PMM2: variants seen among roughly 807,000 people sequenced by gnomAD.
PMM2 encodes the protein phosphomannomutase 2, also known as mannose-6-phosphate isomerase.
A neutral mutation model predicts 33.2 loss-of-function variants in PMM2; 35 were observed. The ratio of observed to expected loss-of-function variants is 1.06; its 90% CI spans 0.81 to 1.40. The LOEUF (loss-of-function observed/expected upper bound fraction) is 1.40. PMM2 is among the 40% of genes most tolerant of loss of function. The pLI, the probability that PMM2 is intolerant of heterozygous loss-of-function variation, is 0.00. For missense variants in PMM2, 386 were observed against 306.0 expected, an observed-to-expected ratio of 1.26 and a Z score of -1.95; for synonymous variants, 153 against 114.7, an observed-to-expected ratio of 1.33 and a Z score of -2.13.
rs759513930 is a variant in PMM2, at chr16:8,801,910, G to T, written c.178G>T (p.Val60Leu). ...AGTGCAGGAGCAACTGGGAAATGAT[G>T]GTAAATGATGGGTTGCTAATTACAT... The part of the protein sequence containing the change: ...EKVQEQLGND[V>L]VEKYDYVFPE... Residue 60 changes from valine to leucine, a missense_variant and splice_region_variant, in exon 2 of 8, where the codon GTG becomes TTG. Val to Leu is a conservative substitution (Grantham distance 32, BLOSUM62 1). Coordinates refer to ENST00000268261, the MANE Select transcript of PMM2 (RefSeq NM_000303.3). The T allele has an allele frequency of 7.0e-6, 11 of 1,566,540 alleles. No individual in the cohort carries two copies. In the Admixed American group the frequency reaches 1.8e-4, roughly 26 times the overall value.
Position 8,806,401 on chromosome 16 carries a change from A to G in PMM2, c.341A>G (p.Lys114Arg). The change falls in exon 4 of 8, where the codon AAG (lysine) becomes AGG (arginine). Residue 114 changes from lysine (K) to arginine (R), a missense_variant. Lys to Arg is a conservative substitution (Grantham distance 26). Coordinates refer to ENST00000268261, the MANE Select transcript of PMM2 (RefSeq NM_000303.3). Reference protein sequence around the residue: ...LSYIAKIKLPKKRGTFIEFRN... With the variant: ...LSYIAKIKLPRKRGTFIEFRN... ...TACATTGCGAAAATTAAACTCCCGA[A>G]GAAGAGGTGGGTTTGCTTTTAACAA... 6.2e-7 allele frequency: 1 copy of G among 1,609,282 alleles called. No individual in the cohort carries two copies. Among genetic ancestry groups the G allele is most frequent in the Non-Finnish European group, 8.5e-7 (1 of 1,175,552 alleles).
rs138788274 is a variant in PMM2, at chr16:8,799,079, G to A, written c.66+1131G>A. 5.4e-3 allele frequency among the ~76,000 whole-genome samples: 816 copies of A among 152,152 alleles called. 16 individuals are homozygous for A. Among genetic ancestry groups the A allele is most frequent in the African/African-American group, 0.019 (778 of 41,498 alleles). ...GTCCCCAATTCATTTTTTGTAAAGG[G>A]CCATATAGCAAATACTTCTCTGTCT... On this transcript the variant is annotated intron_variant, in intron 1 of 7. Coordinates refer to ENST00000268261, the MANE Select transcript of PMM2 (RefSeq NM_000303.3).
chr16:8,805,941 A>T (rs1451431786), intron 3 of PMM2, among the ~76,000 whole-genome samples: 1 of 152,210 alleles, frequency 6.6e-6, no homozygotes. Flanking sequence ...TAGTAAGATC[A>T]TTCTATTCAG....
At position 8,843,132 on chromosome 16, in the gene PMM2, A is replaced by G. The variant is rs183914530; in HGVS notation, c.640-4592A>G. Among the ~76,000 whole-genome samples the G allele has an allele frequency of 2.0e-5, 3 of 152,274 alleles. No individual in the cohort carries two copies. The East Asian group carries it at 5.8e-4, about 29-fold the overall frequency. On this transcript the variant is annotated intron_variant, in intron 7 of 7. Coordinates refer to ENST00000268261, the MANE Select transcript of PMM2 (RefSeq NM_000303.3). ...TTCAAAGAGTAATGTCTAAGTTGGC[A>G]CCAGAGTTGGGGAGTTTTAAGAGGT...
At chr16:8,836,434 T>A (rs28850393) in intron 7 of PMM2, among the ~76,000 whole-genome samples, 15 of 151,930 alleles carry the variant, frequency 9.9e-5, no homozygotes, top group African/African-American at 3.6e-4. Context: ...TCCCGGGCTG[T>A]GGGCATTCCT....
chr16:8,835,098 A>C (rs1170341604), intron 7 of PMM2, among the ~76,000 whole-genome samples: 33 of 148,398 alleles, frequency 2.2e-4, no homozygotes, highest in Non-Finnish European at 4.6e-4. Flanking sequence ...AAAAGTATTA[A>C]AGCAGCGGCA....
At chr16:8,820,629 CAG>C (rs1258350720) in intron 7 of PMM2, among the ~76,000 whole-genome samples, 2 of 152,180 alleles carry the variant, frequency 1.3e-5, no homozygotes, top group Admixed American at 1.3e-4. Flanking sequence ...GCTGGAATTA[CAG>C]GCGTGAGCCA....
intron 7 of PMM2, among the ~76,000 whole-genome samples, chr16:8,833,919 T>A (rs2060827272): frequency 6.6e-6 from 1 of 152,058 alleles, no homozygotes; most frequent in Non-Finnish European, 1.5e-5. Context: ...AGATATCAGC[T>A]GTGATGGCTT....
intron 1 of PMM2, among the ~76,000 whole-genome samples, chr16:8,800,114 T>G (rs555664875): frequency 3.9e-4 from 59 of 152,266 alleles, no homozygotes; most frequent in Non-Finnish European, 7.2e-4. Flanking sequence ...ATCCCAGCAC[T>G]TGGGGAGGCT....
chr16:8,842,035 TAAAAC>T (rs1482574099), intron 7 of PMM2, among the ~76,000 whole-genome samples: 54 of 150,852 alleles, frequency 3.6e-4, no homozygotes, highest in African/African-American at 1.2e-3. Flanking sequence ...AGGGCTAGGC[TAAAAC>T]AGTAAGGTCA....
rs966704718 is a variant in PMM2, at chr16:8,847,912, C to A, written c.*87C>A. 2 of 956,806 alleles carry A rather than the reference C, an allele frequency of 2.1e-6. No homozygotes were observed. The highest frequency in any genetic ancestry group is 3.3e-6 in the Non-Finnish European group (2 of 605,796). 59.3% of individuals were successfully genotyped at this position (956,806 alleles called of 1,614,324 possible). A position where few individuals can be genotyped will look rare whatever the true frequency, so the allele number is the denominator to read the frequency against. On this transcript the variant is annotated 3_prime_UTR_variant, in exon 8 of 8. Transcript: ENST00000268261. ...AGCCGAGGGTCCTCCCACACGTGCT[C>A]ACCCACCCGCAGCCTAGGCAGGCTC...
intron 2 of PMM2, among the ~76,000 whole-genome samples, chr16:8,802,848 A>G (rs757021073): frequency 2.1e-5 from 3 of 144,088 alleles, no homozygotes; most frequent in Admixed American, 1.4e-4. Flanking sequence ...AAAAAAAATT[A>G]TAAGTGGAGA....
chr16:8,804,156 A>G (rs893282990), intron 2 of PMM2, among the ~76,000 whole-genome samples: 1 of 147,658 alleles, frequency 6.8e-6, no homozygotes, highest in Non-Finnish European at 1.5e-5. Context: ...CTCCTGCCTC[A>G]GCCTCCGGAG....
chr16:8,832,716 A>G (rs931537605), intron 7 of PMM2: 3 of 985,396 alleles, frequency 3.0e-6, no homozygotes, highest in African/African-American at 1.7e-5. Flanking sequence ...TAATCTGATC[A>G]TGGCCCGGGC....
chr16:8,815,734 AC>A (rs1165143654), intron 7 of PMM2, among the ~76,000 whole-genome samples: 12 of 152,232 alleles, frequency 7.9e-5, no homozygotes, highest in African/African-American at 2.2e-4. Flanking sequence ...TAGAAAAAAA[AC>A]ATAGGGAAAA....
chr16:8,847,848 TC>T lies in PMM2; in HGVS notation c.*26del, dbSNP rs1567172112. ...TAACGTGGGAGCGGGAGGGGCGGGGTCCCGGCTGACAAGCCAGCATAGGGCA... is the reference window on the plus strand; with the variant it reads ...TAACGTGGGAGCGGGAGGGGCGGGGTCCGGCTGACAAGCCAGCATAGGGCA... On this transcript the variant is annotated 3_prime_UTR_variant, in exon 8 of 8. Transcript: ENST00000268261. 6.3e-7 allele frequency: 1 copy of T among 1,578,626 alleles called. No individual in the cohort carries two copies. Among genetic ancestry groups the T allele is most frequent in the Admixed American group, 1.7e-5 (1 of 59,948 alleles).
intron 7 of PMM2, chr16:8,832,457 G>GC (rs1255360103): frequency 2.0e-5 from 20 of 985,228 alleles, no homozygotes; most frequent in East Asian, 1.1e-4. Context: ...CTCCCCACCA[G>GC]CCCCCAGCAG....
intron 7 of PMM2, among the ~76,000 whole-genome samples, chr16:8,847,377 TA>T (rs34609525): frequency 3.3e-4 from 47 of 140,838 alleles, no homozygotes; most frequent in Admixed American, 1.4e-3. Flanking sequence ...TAGGTACAGC[TA>T]AAAAAAAAAA....
rs140066756 is a variant in PMM2, at chr16:8,820,121, C to T, written c.639+7015C>T. On this transcript the variant is annotated intron_variant, in intron 7 of 7. Coordinates refer to ENST00000268261, the MANE Select transcript of PMM2 (RefSeq NM_000303.3). ...CTGAGGCAGGAGAAGCGCTTGAACC[C>T]GGGAGGCGGAGGTTGCAGTGAGCTG... Among the ~76,000 whole-genome samples, 1,136 of 152,276 alleles carry T rather than the reference C, an allele frequency of 7.5e-3. 13 individuals carry two copies. The highest frequency in any genetic ancestry group is 0.026 in the African/African-American group (1,086 of 41,554).
Sources: gnomAD v4.1 joint callset for allele counts (sites outside exome capture counted in the v4.1 genomes callset) on GRCh38, gnomAD v4.1.1 for gene constraint, MANE v1.5 for transcripts, NCBI Gene and HGNC (gene_info 2026-07-23, HGNC 2026-07-21) for gene names.